The following IDE variants were observed in gnomAD, a reference collection of about 807,000 sequenced individuals.
IDE encodes insulin degrading enzyme.
In IDE, 58 loss-of-function variants were observed where a neutral mutation model predicts 133.2. The observed-to-expected ratio is 0.44, with a 90% CI of 0.35 to 0.54. IDE has a LOEUF of 0.54. Among genes scored for constraint, IDE ranks in the 20% least tolerant of loss-of-function variants. The pLI, the probability that IDE is intolerant of heterozygous loss-of-function variation, is 0.00. For missense variants in IDE, 981 were observed against 1,234.0 expected (o/e 0.79, Z 3.07); for synonymous variants, 396 against 421.3 (o/e 0.94, Z 0.73).
intron 4 of IDE, among the ~76,000 whole-genome samples, chr10:92,517,400 TTTCCAGGTTG>T (rs1848987326): frequency 6.6e-6 from 1 of 152,078 alleles, no homozygotes; most frequent in African/African-American, 2.4e-5. Context: ...ATCACCCAAG[TTTCCAGGTTG>T]TTCTTGTTTT....
intron 4 of IDE, among the ~76,000 whole-genome samples, chr10:92,525,964 C>T (rs755112370): frequency 1.3e-5 from 2 of 151,846 alleles, no homozygotes; most frequent in Non-Finnish European, 2.9e-5. Context: ...TGAGACCAGC[C>T]TGGCCAACAT....
chr10:92,465,903 C>CA, intron 19 of IDE, 60 bp from the exon 20 acceptor site: 1 of 1,388,382 alleles, frequency 7.2e-7, no homozygotes. Context: ...TTAATAAAGT[C>CA]AATGCTATGT....
At chr10:92,529,071 T>C (rs1239456046) in intron 4 of IDE, among the ~76,000 whole-genome samples, 1 of 151,456 alleles carries the variant, frequency 6.6e-6, no homozygotes, top group Non-Finnish European at 1.5e-5. Flanking sequence ...AGCAAGACTG[T>C]CTCAAAAAAA....
intron 1 of IDE, among the ~76,000 whole-genome samples, chr10:92,555,979 C>G (rs575045807): frequency 2.2e-4 from 33 of 151,878 alleles, no homozygotes; most frequent in Non-Finnish European, 4.6e-4. Flanking sequence ...CGAGACCATC[C>G]TGGCTAACAA....
chr10:92,466,083 G>A (rs1462843091), intron 19 of IDE, among the ~76,000 whole-genome samples: 2 of 151,892 alleles, frequency 1.3e-5, no homozygotes, highest in Admixed American at 1.3e-4. Flanking sequence ...CAGAAGGAGG[G>A]GAGCCAGTGC....
intron 4 of IDE, among the ~76,000 whole-genome samples, chr10:92,525,216 G>A (rs183773347): frequency 6.6e-6 from 1 of 152,308 alleles, no homozygotes; most frequent in East Asian, 1.9e-4. Flanking sequence ...TTGCACCATT[G>A]CCCTCCAGCC....
chr10:92,537,318 T>C (rs1164287568), intron 2 of IDE, 48 bp downstream of exon 2: 1 of 1,418,872 alleles, frequency 7.0e-7, no homozygotes, highest in African/African-American at 1.4e-5. Context: ...ATGTCAGCAT[T>C]AGGTCAATGA....
At chr10:92,524,504 T>TATA in intron 4 of IDE, among the ~76,000 whole-genome samples, 1 of 78,646 alleles carries the variant, frequency 1.3e-5, no homozygotes, top group South Asian at 2.9e-4. Context: ...ATATATTTTA[T>TATA]ATAATATATA....
intron 1 of IDE, among the ~76,000 whole-genome samples, chr10:92,549,780 A>T (rs1842698189): frequency 6.6e-6 from 1 of 152,086 alleles, no homozygotes; most frequent in Non-Finnish European, 1.5e-5. Context: ...TCTTTACTGG[A>T]TGGGGAAATT....
chr10:92,558,420 T>A (rs998283509), intron 1 of IDE, among the ~76,000 whole-genome samples: 2 of 152,134 alleles, frequency 1.3e-5, no homozygotes, highest in African/African-American at 4.8e-5. Flanking sequence ...GCTTCTTAGA[T>A]ATGACATCAA....
At chr10:92,533,819 T>A (rs1301094501) in intron 3 of IDE, among the ~76,000 whole-genome samples, 1 of 149,612 alleles carries the variant, frequency 6.7e-6, no homozygotes, top group Non-Finnish European at 1.5e-5. Flanking sequence ...AAGTCAGGAG[T>A]TCGAGACCAG....
chr10:92,510,795 T>C (rs2135550626), intron 5 of IDE, among the ~76,000 whole-genome samples: 1 of 134,348 alleles, frequency 7.4e-6, no homozygotes, highest in Admixed American at 7.7e-5. Flanking sequence ...TCACATGATA[T>C]ATAGCACATA....
At chr10:92,566,381 A>G (rs1266731206) in intron 1 of IDE, among the ~76,000 whole-genome samples, 1 of 148,736 alleles carries the variant, frequency 6.7e-6, no homozygotes, top group Non-Finnish European at 1.5e-5. Flanking sequence ...TGACAGAGTC[A>G]GACTCTATCT....
At chr10:92,510,380 A>G (rs1205379487) in intron 5 of IDE, among the ~76,000 whole-genome samples, 1 of 152,202 alleles carries the variant, frequency 6.6e-6, no homozygotes, top group Non-Finnish European at 1.5e-5. Flanking sequence ...ATTAAAACAA[A>G]TATTAGAAAC....
intron 5 of IDE, among the ~76,000 whole-genome samples, chr10:92,514,657 C>T (rs754917345): frequency 4.6e-5 from 7 of 152,008 alleles, no homozygotes; most frequent in African/African-American, 7.3e-5. Flanking sequence ...CCAGGCTGGG[C>T]TTGCCTTGCT....
chr10:92,511,692 C>T (rs974827151), intron 5 of IDE, among the ~76,000 whole-genome samples: 1 of 122,728 alleles, frequency 8.1e-6, no homozygotes, highest in Non-Finnish European at 1.9e-5. Context: ...ACTTTTGCCT[C>T]AATTTTTTTG....
chr10:92,543,986 A>G lies in IDE; in HGVS notation c.99-6436T>C, dbSNP rs947298495. The stretch of plus-strand genomic sequence containing the variant: ...CGTGGGTCACGCCTGTAATCCCAAC[A>G]CTTTGGGAGGCCGAGGTGGGCAGAT... On this transcript the variant is annotated intron_variant, in intron 1 of 24. Coordinates refer to ENST00000265986, the MANE Select transcript of IDE (RefSeq NM_004969.4). Among the ~76,000 whole-genome samples, 5 of 152,310 alleles carry G rather than the reference A, an allele frequency of 3.3e-5. No individual in the cohort carries two copies. The East Asian group carries it at 7.7e-4, about 23-fold the overall frequency.
At chr10:92,464,081 G>A in intron 20 of IDE, 78 bp from the exon 21 acceptor site, 1 of 1,396,072 alleles carries the variant, frequency 7.2e-7, no homozygotes, top group Admixed American at 2.2e-5. Context: ...AAACTAACCT[G>A]TCTGAGCAAA....
chr10:92,471,273 T>G (rs971394031), intron 17 of IDE, among the ~76,000 whole-genome samples: 4 of 152,160 alleles, frequency 2.6e-5, no homozygotes, highest in Non-Finnish European at 5.9e-5. Context: ...AACTGCTACA[T>G]GCAAGATCTA....
Sources: allele counts gnomAD v4.1 joint callset (sites outside exome capture counted in the v4.1 genomes callset), GRCh38; gene constraint gnomAD v4.1.1; transcripts MANE v1.5; gene names NCBI Gene and HGNC (gene_info 2026-07-23, HGNC 2026-07-21).